The following CLASP2 variants were observed in gnomAD, a reference collection of about 807,000 sequenced individuals.
CLASP2 encodes CLIP-associating protein 2.
CLASP2 carries 47 observed loss-of-function variants against 194.4 expected under a neutral mutation model. That is an observed-to-expected ratio of 0.24 (90% CI 0.19 to 0.31). The LOEUF is 0.31. CLASP2 is among the 10% of genes least tolerant of loss of function. CLASP2 has a pLI of 1.00. For synonymous variants in CLASP2, 619 were observed against 633.5 expected (o/e 0.98, Z 0.34); for missense variants, 1,445 against 1,823.6 (o/e 0.79, Z 3.78).
chr3:33,551,757 T>C (rs2060037689), intron 29 of CLASP2, among the ~76,000 whole-genome samples: 1 of 152,218 alleles, frequency 6.6e-6, no homozygotes, highest in South Asian at 2.1e-4. Flanking sequence ...TGCTGAAGAC[T>C]ATCTTGACAA....
At chr3:33,656,700 T>A (rs1240487020) in intron 7 of CLASP2, among the ~76,000 whole-genome samples, 1 of 152,156 alleles carries the variant, frequency 6.6e-6, no homozygotes, top group African/African-American at 2.4e-5. Context: ...TCAGAACCAT[T>A]TAGAAAAATT....
Position 33,500,203 on chromosome 3 carries a change from T to C in CLASP2, c.4434+1449A>G, listed in dbSNP as rs560791439. On this transcript the variant is annotated intron_variant, in intron 38 of 38. Coordinates refer to ENST00000682230, the MANE Select transcript of CLASP2 (RefSeq NM_001365631.1). ...ACATGCAACCATGCTTGGCTAATTT[T>C]TTTTCTTTTTTTGTAGAGACAGGGT... is the stretch of plus-strand genomic sequence containing the variant. 3.0e-4 allele frequency among the ~76,000 whole-genome samples: 45 copies of C among 152,142 alleles called. 1 individual carries two copies. Among genetic ancestry groups the C allele is most frequent in the African/African-American group, 9.9e-4 (41 of 41,504 alleles).
At chr3:33,512,557 T>TAAAA (rs71070140) in intron 36 of CLASP2, among the ~76,000 whole-genome samples, 26 of 12,474 alleles carry the variant, frequency 2.1e-3, no homozygotes, top group Admixed American at 2.9e-3. Flanking sequence ...TAGAGTATAA[T>TAAAA]AAAAAAAAAA....
chr3:33,554,247 T>C (rs941828178), intron 29 of CLASP2, among the ~76,000 whole-genome samples: 5 of 146,592 alleles, frequency 3.4e-5, no homozygotes, highest in African/African-American at 7.5e-5. Flanking sequence ...AAAAAAAATG[T>C]AATCAACCTA....
intron 36 of CLASP2, 40 bp downstream of exon 36, chr3:33,515,983 T>C (rs1333763549): frequency 1.3e-6 from 2 of 1,560,894 alleles, no homozygotes; most frequent in Non-Finnish European, 1.7e-6. Context: ...TTTCATGAAA[T>C]AAAATAATGG....
intron 12 of CLASP2, among the ~76,000 whole-genome samples, chr3:33,616,734 CTTTTTTTTTTTTT>C (rs958911625): frequency 3.1e-5 from 3 of 95,374 alleles, no homozygotes; most frequent in African/African-American, 1.3e-4. Flanking sequence ...ACTATACTTC[CTTTTTTTTTTTTT>C]TTTTTTTTTT....
At chr3:33,606,363 A>G (rs1004758789) in intron 16 of CLASP2, among the ~76,000 whole-genome samples, 12 of 152,218 alleles carry the variant, frequency 7.9e-5, no homozygotes, top group Admixed American at 5.2e-4. Flanking sequence ...AGACGTGAAC[A>G]TATTGAAGCA....
At position 33,497,699 on chromosome 3, in the gene CLASP2, A is replaced by C. The variant is rs966469576; in HGVS notation, c.*932T>G. On this transcript the variant is annotated 3_prime_UTR_variant, in exon 39 of 39. Coordinates refer to ENST00000682230, the MANE Select transcript of CLASP2 (RefSeq NM_001365631.1). The stretch of plus-strand genomic sequence containing the variant: ...AGGTGCTGGTCACTCCCATGTCTCG[A>C]TAATTTGTTTATTACGTGAGAAACA... 2 of 152,622 alleles carry C rather than the reference A, an allele frequency of 1.3e-5. No individual in the cohort carries two copies. The highest frequency in any genetic ancestry group is 2.9e-5 in the Non-Finnish European group (2 of 68,028). 9.5% of individuals were successfully genotyped at this position (152,622 alleles called of 1,614,324 possible).
At chr3:33,651,027 G>A (rs2083092368) in intron 7 of CLASP2, among the ~76,000 whole-genome samples, 1 of 152,158 alleles carries the variant, frequency 6.6e-6, no homozygotes, top group East Asian at 1.9e-4. Context: ...AACAAAACAT[G>A]ATGTGAACTG....
chr3:33,642,108 T>C (rs1231315786), intron 8 of CLASP2, among the ~76,000 whole-genome samples: 1 of 152,004 alleles, frequency 6.6e-6, no homozygotes, highest in Non-Finnish European at 1.5e-5. Flanking sequence ...AGAATTTGTT[T>C]ATTCAGAACT....
chr3:33,656,262 T>C (rs776773848), intron 7 of CLASP2, among the ~76,000 whole-genome samples: 37 of 152,136 alleles, frequency 2.4e-4, no homozygotes, highest in Non-Finnish European at 5.1e-4. Context: ...ACATATTCAA[T>C]AGATAATAGA....
chr3:33,514,606 C>G (rs1433574193), intron 36 of CLASP2: 2 of 246,620 alleles, frequency 8.1e-6, no homozygotes, highest in African/African-American at 4.4e-5. Context: ...GTTGCTTTCT[C>G]TTAGAAATAC....
intron 7 of CLASP2, chr3:33,658,921 C>A (rs950592197): frequency 1.4e-6 from 2 of 1,453,394 alleles, no homozygotes; most frequent in African/African-American, 2.8e-5. Context: ...TGATCGTCAC[C>A]TTAAAAGGAA....
chr3:33,614,780 C>G (rs2075812869), intron 12 of CLASP2, among the ~76,000 whole-genome samples: 1 of 152,098 alleles, frequency 6.6e-6, no homozygotes, highest in Non-Finnish European at 1.5e-5. Flanking sequence ...GCCAGGAGGT[C>G]AGGAGTTCGA....
chr3:33,587,450 T>C (rs1466227988), intron 21 of CLASP2, among the ~76,000 whole-genome samples: 2 of 152,226 alleles, frequency 1.3e-5, no homozygotes, highest in East Asian at 1.9e-4. Flanking sequence ...TACAGTTTTC[T>C]TGGAATGGTC....
At chr3:33,695,953 C>A (rs1037090953) in intron 2 of CLASP2, among the ~76,000 whole-genome samples, 6 of 152,118 alleles carry the variant, frequency 3.9e-5, no homozygotes, top group Non-Finnish European at 7.4e-5. Context: ...ATCCTAATAA[C>A]CATACAAAGA....
At chr3:33,509,415 A>G (rs1303085539) in intron 37 of CLASP2, among the ~76,000 whole-genome samples, 1 of 152,192 alleles carries the variant, frequency 6.6e-6, no homozygotes, top group East Asian at 1.9e-4. Flanking sequence ...GAGTCTCTCC[A>G]TGTTGGTCAA....
chr3:33,653,101 C>G (rs1272180382), intron 7 of CLASP2, among the ~76,000 whole-genome samples: 1 of 152,130 alleles, frequency 6.6e-6, no homozygotes, highest in Admixed American at 6.5e-5. Context: ...AAATGAAAGG[C>G]TGAGGGGGAA....
chr3:33,607,558 G>A, intron 14 of CLASP2, 97 bp from the exon 15 acceptor site: 1 of 677,862 alleles, frequency 1.5e-6, no homozygotes, highest in Non-Finnish European at 2.3e-6. Flanking sequence ...ATCACAAACA[G>A]GTAGGCGAGG....
Sources: allele counts gnomAD v4.1 joint callset (sites outside exome capture counted in the v4.1 genomes callset), GRCh38; gene constraint gnomAD v4.1.1; transcripts MANE v1.5; gene names NCBI Gene and HGNC (gene_info 2026-07-23, HGNC 2026-07-21).